TXNL4A: variants seen among roughly 807,000 people sequenced by gnomAD.
The protein encoded by TXNL4A is thioredoxin like 4A, also known as thioredoxin-like protein 4A.
TXNL4A carries 17 observed loss-of-function variants against 14.6 expected under a neutral mutation model. That is an observed-to-expected ratio of 1.16 (90% confidence interval 0.80 to 1.74). The LOEUF (loss-of-function observed/expected upper bound fraction) is 1.74, where lower values mean the gene tolerates loss of function less well. Ranked by LOEUF, TXNL4A falls within the 40% of genes most tolerant of loss-of-function variation. TXNL4A has a pLI of 0.00. For synonymous variants in TXNL4A, 83 were observed against 70.6 expected, an observed-to-expected ratio of 1.18 and a Z score of -0.88; for missense variants, 74 against 195.2, an observed-to-expected ratio of 0.38 and a Z score of 3.70.
At chr18:79,988,761 C>T (rs997292193), upstream of TXNL4A, among the ~76,000 whole-genome samples, 1 of 152,076 alleles carries the variant, frequency 6.6e-6, no homozygotes, top group South Asian at 2.1e-4. Flanking sequence ...AGCGTCCAGG[C>T]GGCCTGGTGG....
chr18:80,009,835 C>T (rs374655551), intron 1 of TXNL4A, among the ~76,000 whole-genome samples: 1 of 152,152 alleles, frequency 6.6e-6, no homozygotes. Context: ...GGGCTGCGTG[C>T]GCAGTGTTTA....
chr18:80,008,403 T>C (rs1365919743), intron 1 of TXNL4A, among the ~76,000 whole-genome samples: 3 of 152,098 alleles, frequency 2.0e-5, no homozygotes, highest in African/African-American at 7.2e-5. Flanking sequence ...GCAAGCAGCC[T>C]CCTCCGCATT....
rs11081576 is a variant in TXNL4A, at chr18:79,977,397, C to T, written c.257+201G>A. 0.8 allele frequency: 435,712 copies of T among 544,396 alleles called. 178,505 individuals are homozygous for T. Among genetic ancestry groups the T allele is most frequent in the East Asian group, 0.88 (28,417 of 32,154 alleles). 33.7% of individuals were successfully genotyped at this position (544,396 alleles called of 1,614,324 possible). A position where few individuals can be genotyped will look rare whatever the true frequency, so the allele number is the denominator to read the frequency against. On this transcript the variant is annotated intron_variant, in intron 2 of 2. Coordinates refer to ENST00000269601, the MANE Select transcript of TXNL4A (RefSeq NM_006701.5). The stretch of plus-strand genomic sequence containing the variant: ...GTTATTTCAAAAGGGTAATTTGTTA[C>T]TGAGTAAATGCTAAAACTAGAATTG...
chr18:79,977,951 G>C (rs911075440), intron 1 of TXNL4A: 1 of 486,508 alleles, frequency 2.1e-6, no homozygotes, highest in South Asian at 2.8e-5. Context: ...TTATAGGAGT[G>C]AGCCATCACT....
rs552672803 is a variant in TXNL4A at position 80,010,631 on chromosome 18, C to T, written c.-61+23220G>A. ...GGGAGCCCACTGTCTATACAAAGGA[C>T]GAAGGCATTTTTATGCCCAGCCTTG... On this transcript the variant is annotated intron_variant, in intron 1 of 2. Coordinates refer to the TXNL4A transcript ENST00000585474. 7.2e-5 allele frequency among the ~76,000 whole-genome samples: 11 copies of T among 152,344 alleles called. No homozygotes were observed. The East Asian group carries it at 7.7e-4, about 11-fold the overall frequency.
At chr18:80,027,035 T>A (rs1342980441) in intron 1 of TXNL4A, among the ~76,000 whole-genome samples, 1 of 152,120 alleles carries the variant, frequency 6.6e-6, no homozygotes, top group African/African-American at 2.4e-5. Flanking sequence ...TCCTCTTAGC[T>A]TCCCCAATTT....
At chr18:80,025,767 G>A (rs1193766980) in intron 1 of TXNL4A, among the ~76,000 whole-genome samples, 1 of 152,198 alleles carries the variant, frequency 6.6e-6, no homozygotes, top group Non-Finnish European at 1.5e-5. Flanking sequence ...GTTGGTCTCA[G>A]AAGCTAAAGC....
At chr18:80,016,274 A>G (rs2051808775) in intron 1 of TXNL4A, among the ~76,000 whole-genome samples, 1 of 152,172 alleles carries the variant, frequency 6.6e-6, no homozygotes, top group Non-Finnish European at 1.5e-5. Context: ...CCTTTGTCAG[A>G]TAAGTGGGTT....
chr18:80,031,573 T>C (rs1203123094), intron 1 of TXNL4A, among the ~76,000 whole-genome samples: 4 of 152,210 alleles, frequency 2.6e-5, no homozygotes, highest in Admixed American at 6.5e-5. Context: ...CAGATAGCTA[T>C]TGAAGATGCT....
In TXNL4A at chr18:79,973,404, G is replaced by T. The variant is rs547172187; in HGVS notation, c.*281C>A. On this transcript the variant is annotated 3_prime_UTR_variant, in exon 3 of 3. Transcript: ENST00000269601. ...CCAACCCAGTATGCAAAACGCACAG[G>T]CTCACAGGATAAACACCTTCGTTTT... is the stretch of plus-strand genomic sequence containing the variant. 2.0e-5 allele frequency: 7 copies of T among 346,176 alleles called. No homozygotes were observed. Among genetic ancestry groups the T allele is most frequent in the Non-Finnish European group, 3.6e-5 (7 of 193,266 alleles). 21.4% of individuals were successfully genotyped at this position (346,176 alleles called of 1,614,324 possible). A position where few individuals can be genotyped will look rare whatever the true frequency, so the allele number is the denominator to read the frequency against.
chr18:80,028,104 C>T (rs535648831), intron 1 of TXNL4A, among the ~76,000 whole-genome samples: 29 of 151,654 alleles, frequency 1.9e-4, no homozygotes, highest in Middle Eastern at 3.4e-3. Flanking sequence ...CTGCCTTTCT[C>T]CCTTTTCACA....
chr18:80,001,690 C>T (rs778536909), intron 1 of TXNL4A, among the ~76,000 whole-genome samples: 26 of 152,196 alleles, frequency 1.7e-4, no homozygotes, highest in Non-Finnish European at 2.8e-4. Context: ...CACTGGATTT[C>T]GGACTTGCAT....
intron 1 of TXNL4A, among the ~76,000 whole-genome samples, chr18:79,996,420 T>A (rs1473342616): frequency 6.6e-6 from 1 of 152,212 alleles, no homozygotes; most frequent in South Asian, 2.1e-4. Context: ...AACTCTCTCA[T>A]GTTTTAAGTC....
Position 80,005,751 on chromosome 18 carries a change from C to T in TXNL4A, c.-60-28050G>A, listed in dbSNP as rs148804324. Reference sequence around the variant, plus strand: ...CCAACATGGCAAAACCCTGTCTCTACTAAAAGTACAAGAATTAGCCAGCAT... The same window carrying T: ...CCAACATGGCAAAACCCTGTCTCTATTAAAAGTACAAGAATTAGCCAGCAT... On this transcript the variant is annotated intron_variant, in intron 1 of 2. Transcript: ENST00000585474. Among the ~76,000 whole-genome samples the T allele has an allele frequency of 8.9e-3, 1,359 of 152,106 alleles. 17 individuals carry two copies. The highest frequency in any genetic ancestry group is 0.026 in the African/African-American group (1,096 of 41,512).
intron 1 of TXNL4A, among the ~76,000 whole-genome samples, chr18:80,006,618 G>C (rs2051732943): frequency 1.3e-5 from 2 of 152,132 alleles, no homozygotes; most frequent in South Asian, 4.1e-4. Context: ...CATTTGTCTG[G>C]GGTAATACCT....
Position 79,977,331 on chromosome 18 carries a change from A to G in TXNL4A, c.257+267T>C, listed in dbSNP as rs561934991. 1.0e-4 allele frequency: 53 copies of G among 509,248 alleles called. 1 individual carries two copies. The South Asian group carries it at 1.6e-3, about 16-fold the overall frequency. The allele number at this position is 509,248 out of a possible 1,614,324, so 31.5% of individuals were successfully genotyped here. On this transcript the variant is annotated intron_variant, in intron 2 of 2. Coordinates refer to ENST00000269601, the MANE Select transcript of TXNL4A (RefSeq NM_006701.5). ...AGGTATCTAAAATGTCAGTAACAAC[A>G]TCTTTCATTGAATTACACTTCACCT...
intron 1 of TXNL4A, among the ~76,000 whole-genome samples, chr18:79,981,418 T>A (rs113372171): frequency 1.7e-3 from 263 of 152,354 alleles, no homozygotes; most frequent in Non-Finnish European, 1.3e-3. Flanking sequence ...ACGCCTGTAA[T>A]CCCAGCACTT....
rs1429113359 is a variant in TXNL4A, at chr18:79,988,307, C to G, written c.86G>C (p.Arg29Pro). The change falls in exon 1 of 3, where the codon CGC becomes CCC. Residue 29 changes from arginine (R) to proline (P), a missense_variant. Physicochemically the swap from Arg to Pro is moderately radical, Grantham distance 103. Around this residue, in one of 3 missense-constraint regions of TXNL4A, gnomAD observed 55 missense variants for 116.1 expected, o/e 0.47. Transcript: ENST00000269601. ...LSEEDRVVVI[R>P]FGHDWDPTCM... is the part of the protein sequence containing the mutation. ...CGTAGGATCCCAGTCGTGGCCGAAGCGGATGACGACCACGCGGTCCTCCTC... is the reference window on the plus strand; with the variant it reads ...CGTAGGATCCCAGTCGTGGCCGAAGGGGATGACGACCACGCGGTCCTCCTC... 1 of 1,603,084 alleles carries G rather than the reference C, an allele frequency of 6.2e-7. No homozygotes were observed. Among genetic ancestry groups the G allele is most frequent in the Admixed American group, 1.7e-5 (1 of 59,470 alleles).
At chr18:79,988,573 C>T, upstream of TXNL4A, 2 of 559,790 alleles carry the variant, frequency 3.6e-6, no homozygotes, top group Non-Finnish European at 5.3e-6. Context: ...TGGGCGCGCA[C>T]GCACCGACGC....
Sources: allele counts gnomAD v4.1 joint callset (sites outside exome capture counted in the v4.1 genomes callset), GRCh38; gene constraint gnomAD v4.1.1; regional missense constraint gnomAD v4.1.1; transcripts MANE v1.5; gene names NCBI Gene and HGNC (gene_info 2026-07-23, HGNC 2026-07-21).